Variants in TMCC2 observed in about 807,000 individuals in gnomAD.
TMCC2 encodes transmembrane and coiled-coil domain family 2.
A neutral mutation model predicts 49.4 loss-of-function variants in TMCC2; 16 were observed. The observed-to-expected ratio is 0.32, with a 90% CI of 0.22 to 0.49. The LOEUF (loss-of-function observed/expected upper bound fraction) is 0.49, where lower values mean the gene tolerates loss of function less well. Among genes scored for constraint, TMCC2 ranks in the 20% least tolerant of loss-of-function variants. TMCC2 has a pLI of 0.99. For synonymous variants in TMCC2, 397 were observed against 434.1 expected, an observed-to-expected ratio of 0.91 and a Z score of 1.06; for missense variants, 762 against 989.8, an observed-to-expected ratio of 0.77 and a Z score of 3.09.
chr1:205,252,606 T>C (rs1048510457), intron 2 of TMCC2, among the ~76,000 whole-genome samples: 5 of 152,250 alleles, frequency 3.3e-5, no homozygotes, highest in African/African-American at 9.6e-5. Context: ...CCAAGCAGGC[T>C]TGGTGAGCAT....
At chr1:205,266,652 C>G (rs1367691045) in intron 2 of TMCC2, among the ~76,000 whole-genome samples, 1 of 150,236 alleles carries the variant, frequency 6.7e-6, no homozygotes, top group Non-Finnish European at 1.5e-5. Context: ...TCTAGCAATA[C>G]AGAGTAAATT....
In TMCC2 at chr1:205,267,240, G is replaced by A. The variant is rs144846690; in HGVS notation, c.748-1710G>A. ...CCCAGTGGAAGCCCACAGAGGAGCC[G>A]CCCTCCCCTGGCTCCTGAGTTTGGC... is the stretch of plus-strand genomic sequence containing the variant. On this transcript the variant is annotated intron_variant, in intron 2 of 4. Transcript: ENST00000358024. Among the ~76,000 whole-genome samples, 72 of 152,286 alleles carry A rather than the reference G, an allele frequency of 4.7e-4. 1 individual carries two copies. In the East Asian group the frequency reaches 0.011, roughly 23 times the overall value.
intron 1 of TMCC2, among the ~76,000 whole-genome samples, chr1:205,235,402 A>C (rs2102528405): frequency 6.6e-6 from 1 of 152,302 alleles, no homozygotes; most frequent in East Asian, 1.9e-4. Context: ...TGTGTATCTA[A>C]TTATGTCTTC....
In TMCC2 at chr1:205,273,193, C is replaced by T. The variant is rs939169010; in HGVS notation, c.*1069C>T. 20 of 152,162 alleles carry T rather than the reference C, an allele frequency of 1.3e-4. No individual in the cohort carries two copies. Among genetic ancestry groups the T allele is most frequent in the Non-Finnish European group, 2.2e-4 (15 of 68,054 alleles). 9.4% of individuals were successfully genotyped at this position (152,162 alleles called of 1,614,324 possible). On this transcript the variant is annotated 3_prime_UTR_variant, in exon 5 of 5. Transcript: ENST00000358024. ...GGCTCTGGAGTGTTGTGTATGGTTT[C>T]TTTTCACATCCCAGCCTCCCATGGG...
chr1:205,241,334 C>G lies in TMCC2; in HGVS notation c.208-171C>G, dbSNP rs561534402. 1.3e-5 allele frequency among the ~76,000 whole-genome samples: 2 copies of G among 152,304 alleles called. No individual in the cohort carries two copies. Among genetic ancestry groups the G allele is most frequent in the South Asian group, 4.1e-4 (2 of 4,822 alleles). Reference sequence around the variant, plus strand: ...GGATGGGTCTGGGTTGCCACCTTTTCGCAAACTGACCCTTTATGCACGACG... The same window carrying G: ...GGATGGGTCTGGGTTGCCACCTTTTGGCAAACTGACCCTTTATGCACGACG... On this transcript the variant is annotated intron_variant, in intron 1 of 4. Transcript: ENST00000358024. The surrounding 1 kb of genome is among the most constrained non-coding windows in gnomAD (Gnocchi z 7.3).
chr1:205,269,480 G>T lies in TMCC2; in HGVS notation c.1278G>T (p.Arg426=), dbSNP rs1276089080. Residue 426 remains arginine (R), a synonymous_variant, in exon 3 of 5, where the codon CGG becomes CGT. Coordinates refer to ENST00000358024, the MANE Select transcript of TMCC2 (RefSeq NM_014858.4). ...ACACCGCCGTGGTGTCCAAGCCCCG[G>T]GAGTTTGCCAGCCTCATCCGCAACA... ...ATHTAVVSKP[R]EFASLIRNKF... The T allele has an allele frequency of 1.9e-6, 3 of 1,608,004 alleles. No individual in the cohort carries two copies. Among genetic ancestry groups the T allele is most frequent in the Non-Finnish European group, 2.6e-6 (3 of 1,175,664 alleles).
chr1:205,248,741 T>C (rs1453247126), intron 2 of TMCC2, among the ~76,000 whole-genome samples: 1 of 151,800 alleles, frequency 6.6e-6, no homozygotes. Flanking sequence ...TTAACAGCAG[T>C]TCCTGGAAAA....
chr1:205,250,338 C>T (rs865901548), intron 2 of TMCC2, among the ~76,000 whole-genome samples: 11 of 152,044 alleles, frequency 7.2e-5, no homozygotes, highest in South Asian at 4.2e-4. Flanking sequence ...GTCAGGCGTC[C>T]GAGACCACCC....
chr1:205,256,196 G>A (rs756648359), intron 2 of TMCC2: 12 of 1,460,006 alleles, frequency 8.2e-6, no homozygotes, highest in Non-Finnish European at 1.1e-5. Context: ...TTCCTCACCA[G>A]ACTCAAGTGG....
intron 2 of TMCC2, among the ~76,000 whole-genome samples, chr1:205,253,698 G>A (rs1660756519): frequency 6.6e-6 from 1 of 152,246 alleles, no homozygotes; most frequent in South Asian, 2.1e-4. Flanking sequence ...AGAGCCCACT[G>A]CTTTAGTGCC....
chr1:205,238,924 C>T (rs564972504), intron 1 of TMCC2, among the ~76,000 whole-genome samples: 2 of 152,272 alleles, frequency 1.3e-5, no homozygotes, highest in South Asian at 2.1e-4. Flanking sequence ...TAAATCGGAA[C>T]GCACTTTGCA....
Position 205,241,460 on chromosome 1 carries a change from C to T in TMCC2, c.208-45C>T. 6.3e-7 allele frequency: 1 copy of T among 1,590,980 alleles called. No homozygotes were observed. The highest frequency in any genetic ancestry group is 1.3e-5 in the African/African-American group (1 of 74,576). ...TTCACCCTCCTACTGACTAGGCAAT[C>T]AAGAGCTTTCCACTCACCAGGGTTC... On this transcript the variant is annotated intron_variant, in intron 1 of 4. Coordinates refer to ENST00000358024, the MANE Select transcript of TMCC2 (RefSeq NM_014858.4). This position sits in a 1 kb window ranked among gnomAD's most constrained non-coding sequence, Gnocchi z 7.3.
rs762896631 is a variant in TMCC2, at chr1:205,241,696, C to T, written c.399C>T (p.Ser133=). The change falls in exon 2 of 5, where the codon TCC becomes TCT. Residue 133 remains serine, a synonymous_variant. Coordinates refer to ENST00000358024, the MANE Select transcript of TMCC2 (RefSeq NM_014858.4). The surrounding 1 kb of genome is among the most constrained non-coding windows in gnomAD (Gnocchi z 7.3). ...KERSPEMHRV[S]YAMSLHDLPA... ...GCTCTCCGGAGATGCATCGCGTCTC[C>T]TACGCCATGTCCCTGCACGACCTGC... 1.2e-5 allele frequency: 20 copies of T among 1,613,628 alleles called. No individual in the cohort carries two copies. The African/African-American group carries it at 2.7e-4, about 22-fold the overall frequency.
In TMCC2 at chr1:205,257,209, C is replaced by T. The variant is rs1198385353; in HGVS notation, c.748-11741C>T. The T allele has an allele frequency of 1.1e-5, 13 of 1,232,264 alleles. No homozygotes were observed. In the East Asian group the frequency reaches 1.3e-4, roughly 12 times the overall value. The allele number at this position is 1,232,264 out of a possible 1,614,324, so 76.3% of individuals were successfully genotyped here. A position where few individuals can be genotyped will look rare whatever the true frequency, so the allele number is the denominator to read the frequency against. Reference sequence around the variant, plus strand: ...AGGCTGTGCCTCAGTCTGGAGATGGCGGCTGCAGAGTCTGGGAACTCAGGC... The same window carrying T: ...AGGCTGTGCCTCAGTCTGGAGATGGTGGCTGCAGAGTCTGGGAACTCAGGC... On this transcript the variant is annotated intron_variant, in intron 2 of 4. Transcript: ENST00000358024.
At chr1:205,270,784 A>G (rs1047026126) in intron 3 of TMCC2, among the ~76,000 whole-genome samples, 2 of 152,116 alleles carry the variant, frequency 1.3e-5, no homozygotes, top group Admixed American at 6.5e-5. Flanking sequence ...TAACTCCTCC[A>G]TTCATGAGCT....
At chr1:205,256,276 C>A in intron 2 of TMCC2, 3 of 1,544,806 alleles carry the variant, frequency 1.9e-6, no homozygotes, top group Non-Finnish European at 2.6e-6. Context: ...ATCCAGCAGG[C>A]CCCAGGACTC....
intron 2 of TMCC2, among the ~76,000 whole-genome samples, chr1:205,251,334 G>A (rs1660661841): frequency 6.6e-6 from 1 of 152,166 alleles, no homozygotes; most frequent in Admixed American, 6.5e-5. Context: ...AAATCTTCCA[G>A]AGGCCAACCT....
chr1:205,239,761 A>G (rs1049148004), intron 1 of TMCC2, among the ~76,000 whole-genome samples: 1 of 152,184 alleles, frequency 6.6e-6, no homozygotes, highest in African/African-American at 2.4e-5. Flanking sequence ...GGGATACTCA[A>G]ATGAGGTGAA....
intron 2 of TMCC2, among the ~76,000 whole-genome samples, chr1:205,253,425 C>G (rs1377145914): frequency 6.6e-6 from 1 of 152,136 alleles, no homozygotes; most frequent in Non-Finnish European, 1.5e-5. Flanking sequence ...ATGACAAGAG[C>G]CTATCTGTCA....
Sources: allele counts gnomAD v4.1 joint callset (sites outside exome capture counted in the v4.1 genomes callset), GRCh38; gene constraint gnomAD v4.1.1; non-coding constraint Gnocchi (gnomAD v3.1); transcripts MANE v1.5; gene names NCBI Gene and HGNC (gene_info 2026-07-23, HGNC 2026-07-21).